The following NEK11 variants were observed in gnomAD, a reference collection of about 807,000 sequenced individuals.
NEK11 encodes the protein serine/threonine-protein kinase Nek11.
Under a neutral mutation model 80.7 loss-of-function variants are expected in NEK11, and 72 were observed. The observed-to-expected ratio is 0.89, with a 90% confidence interval of 0.74 to 1.08. The LOEUF (loss-of-function observed/expected upper bound fraction) is 1.08. NEK11 is among the 50% of genes least tolerant of loss of function. NEK11 has a pLI of 0.00. For synonymous variants in NEK11, 251 were observed against 260.7 expected (o/e 0.96, Z 0.36); for missense variants, 764 against 763.6 (o/e 1.00, Z -0.01).
At chr3:131,110,073 A>T (rs543627872) in intron 5 of NEK11, 152 bp downstream of exon 5, 2 of 758,766 alleles carry the variant, frequency 2.6e-6, no homozygotes, top group East Asian at 6.2e-5. Context: ...TCCTTGAGAA[A>T]ACTGTTGAAT....
At chr3:131,100,281 G>A (rs758515193) in intron 4 of NEK11, among the ~76,000 whole-genome samples, 2 of 152,028 alleles carry the variant, frequency 1.3e-5, no homozygotes, top group African/African-American at 2.4e-5. Context: ...TGTATGTTAA[G>A]CCAACCTTGC....
intron 17 of NEK11, among the ~76,000 whole-genome samples, chr3:131,336,467 T>C (rs148198729): frequency 6.6e-6 from 1 of 152,080 alleles, no homozygotes; most frequent in African/African-American, 2.4e-5. Context: ...AAAAATTAAT[T>C]CAAGATGGTT....
At chr3:131,136,331 T>C (rs1037526904) in intron 7 of NEK11, among the ~76,000 whole-genome samples, 2 of 152,214 alleles carry the variant, frequency 1.3e-5, no homozygotes, top group Non-Finnish European at 2.9e-5. Flanking sequence ...AATTATAGTG[T>C]CAGATACATA....
intron 5 of NEK11, among the ~76,000 whole-genome samples, chr3:131,128,282 G>A (rs187712830): frequency 6.6e-6 from 1 of 152,154 alleles, no homozygotes; most frequent in African/African-American, 2.4e-5. Flanking sequence ...GTTGTTGCAT[G>A]GCCCTAAAAA....
At position 131,228,683 on chromosome 3, in the gene NEK11, C is replaced by T; in HGVS notation, c.1555C>T (p.Gln519Ter). The T allele has an allele frequency of 1.2e-6, 2 of 1,611,616 alleles. No homozygotes were observed. Among genetic ancestry groups the T allele is most frequent in the Non-Finnish European group, 1.7e-6 (2 of 1,178,672 alleles). The stretch of plus-strand genomic sequence containing the variant: ...ATCCCAGCCTGCTTACAGAACAAAC[C>T]AACAGGTATGTAATGCTCCCTGTCG... ...EGSQPAYRTN[Q>*]QDSDIEALAR... The change falls in exon 15 of 18, where the codon CAA becomes TAA. Residue 519 changes from glutamine to a stop codon, truncating the protein, a stop_gained. Coordinates refer to ENST00000383366, the MANE Select transcript of NEK11 (RefSeq NM_024800.5). LOFTEE classifies it high-confidence loss of function.
At chr3:131,345,684 T>C (rs2097352263) in intron 17 of NEK11, among the ~76,000 whole-genome samples, 1 of 152,176 alleles carries the variant, frequency 6.6e-6, no homozygotes, top group African/African-American at 2.4e-5. Context: ...CTTCTGGGTA[T>C]ATACCCAAAG....
At chr3:131,237,796 C>T (rs142540984) in intron 15 of NEK11, among the ~76,000 whole-genome samples, 1 of 152,296 alleles carries the variant, frequency 6.6e-6, no homozygotes, top group East Asian at 1.9e-4. Flanking sequence ...CATCCTTTCA[C>T]TCACATTCAT....
At chr3:131,336,786 C>T (rs2110229371) in intron 17 of NEK11, among the ~76,000 whole-genome samples, 1 of 152,106 alleles carries the variant, frequency 6.6e-6, no homozygotes, top group South Asian at 2.1e-4. Context: ...AAAACAACCG[C>T]ATCAAAAAGT....
chr3:131,031,760 G>A (rs1052678310), intron 3 of NEK11, among the ~76,000 whole-genome samples: 1 of 152,136 alleles, frequency 6.6e-6, no homozygotes, highest in Non-Finnish European at 1.5e-5. Context: ...GACTGGAGCT[G>A]AAGATGGCAG....
chr3:131,050,502 C>A (rs997936221), intron 3 of NEK11, among the ~76,000 whole-genome samples: 2 of 152,184 alleles, frequency 1.3e-5, no homozygotes, highest in Non-Finnish European at 2.9e-5. Context: ...TTTTATGACA[C>A]CGTTGGTTTA....
At position 131,165,444 on chromosome 3, in the gene NEK11, A is replaced by T. The variant is rs1202187203; in HGVS notation, c.1101A>T (p.Lys367Asn). 3 of 1,610,646 alleles carry T rather than the reference A, an allele frequency of 1.9e-6. No homozygotes were observed. The highest frequency in any genetic ancestry group is 2.2e-5 in the East Asian group (1 of 44,866). Residue 367 changes from lysine to asparagine, a missense_variant, in exon 12 of 18, where the codon AAA becomes AAT. Transcript: ENST00000383366. The part of the protein sequence containing the change: ...ARKLKKIVEE[K>N]YEENSKRMQE... ...TTTACAGAAAGATTGTGGAAGAAAA[A>T]TATGAAGAAAATAGCAAACGAATGC...
chr3:131,054,058 A>G (rs1392022575), intron 3 of NEK11, among the ~76,000 whole-genome samples: 1 of 152,200 alleles, frequency 6.6e-6, no homozygotes, highest in Non-Finnish European at 1.5e-5. Flanking sequence ...TCTTATTAAG[A>G]GTCAACATTT....
intron 3 of NEK11, among the ~76,000 whole-genome samples, chr3:131,074,066 C>G (rs921105486): frequency 1.3e-5 from 2 of 152,160 alleles, no homozygotes; most frequent in African/African-American, 4.8e-5. Context: ...TCCAACTGCC[C>G]TCAGTGATAA....
At chr3:131,199,478 G>A (rs2094148344) in intron 14 of NEK11, among the ~76,000 whole-genome samples, 1 of 152,008 alleles carries the variant, frequency 6.6e-6, no homozygotes, top group Admixed American at 6.6e-5. Flanking sequence ...TTGGTAAAAT[G>A]CATAATAGTT....
intron 14 of NEK11, among the ~76,000 whole-genome samples, chr3:131,188,605 A>G (rs2093680965): frequency 6.6e-6 from 1 of 152,020 alleles, no homozygotes. Context: ...GCACTTTTCA[A>G]TCCTAATTGA....
intron 14 of NEK11, among the ~76,000 whole-genome samples, chr3:131,187,981 G>C (rs2093659430): frequency 6.6e-6 from 1 of 152,110 alleles, no homozygotes; most frequent in Non-Finnish European, 1.5e-5. Context: ...AGATGGTCAG[G>C]TAAAATAGCT....
chr3:131,251,930 C>G (rs1012902670), intron 16 of NEK11, among the ~76,000 whole-genome samples: 5 of 152,118 alleles, frequency 3.3e-5, no homozygotes, highest in Non-Finnish European at 7.4e-5. Flanking sequence ...GCAGGACCCT[C>G]ATTACACATG....
chr3:131,318,997 G>C (rs916859051), intron 17 of NEK11, among the ~76,000 whole-genome samples: 1 of 151,558 alleles, frequency 6.6e-6, no homozygotes, highest in African/African-American at 2.4e-5. Context: ...ATATAATATT[G>C]TACTCTTGGG....
chr3:131,074,553 T>C (rs1325591147), intron 3 of NEK11, among the ~76,000 whole-genome samples: 1 of 152,200 alleles, frequency 6.6e-6, no homozygotes, highest in Non-Finnish European at 1.5e-5. Context: ...AAAGTCATTT[T>C]TTAAAAGAGT....
Sources: allele counts gnomAD v4.1 joint callset (sites outside exome capture counted in the v4.1 genomes callset), GRCh38; gene constraint gnomAD v4.1.1; transcripts MANE v1.5; gene names NCBI Gene and HGNC (gene_info 2026-07-23, HGNC 2026-07-21).